Variants in HERC1 observed in about 807,000 individuals in gnomAD.
HERC1 encodes the protein probable E3 ubiquitin-protein ligase HERC1.
Under a neutral mutation model 554.3 loss-of-function variants are expected in HERC1, and 160 were observed. The observed-to-expected ratio is 0.29, with a 90% CI of 0.25 to 0.33. HERC1 has a LOEUF of 0.33. Among genes scored for constraint, HERC1 ranks in the 10% least tolerant of loss-of-function variants. The probability of loss-of-function intolerance (pLI) is 1.00; values close to 1 mark genes in which losing one functional copy is unlikely to be tolerated. For synonymous variants in HERC1, 2,175 were observed against 2,131.7 expected, an observed-to-expected ratio of 1.02 and a Z score of -0.56; for missense variants, 4,919 against 5,918.5, an observed-to-expected ratio of 0.83 and a Z score of 5.54.
At chr15:63,618,627 A>AATGG (rs2067930453) in intron 74 of HERC1, among the ~76,000 whole-genome samples, 1 of 152,078 alleles carries the variant, frequency 6.6e-6, no homozygotes, top group Non-Finnish European at 1.5e-5. Context: ...GATTCTTCCT[A>AATGG]CCCATGAGCA....
rs1186828715 is a variant in HERC1, at chr15:63,677,064, A to G, written c.7070+781T>C. 6.6e-6 allele frequency among the ~76,000 whole-genome samples: 1 copy of G among 152,160 alleles called. No homozygotes were observed. Among genetic ancestry groups the G allele is most frequent in the African/African-American group, 2.4e-5 (1 of 41,452 alleles). On this transcript the variant is annotated intron_variant, in intron 37 of 77. Transcript: ENST00000443617. The surrounding 1 kb of genome is among the most constrained non-coding windows in gnomAD (Gnocchi z 4.4). ...TTGTACTTAGCAGGTGAGCATCCCA[A>G]ATCCAAAAATCCCAAATCTGAAATG... is the stretch of plus-strand genomic sequence containing the variant.
At chr15:63,714,008 C>T (rs2153128739) in intron 22 of HERC1, among the ~76,000 whole-genome samples, 1 of 152,210 alleles carries the variant, frequency 6.6e-6, no homozygotes, top group South Asian at 2.1e-4. Context: ...GTTAGAAATG[C>T]AAATTATCAG....
At chr15:63,830,174 A>G (rs2146139358) in intron 1 of HERC1, among the ~76,000 whole-genome samples, 1 of 152,348 alleles carries the variant, frequency 6.6e-6, no homozygotes, top group South Asian at 2.1e-4. Context: ...GATATGTATG[A>G]ACAATAAAGG....
At chr15:63,631,742 T>C (rs1421107818) in intron 68 of HERC1, among the ~76,000 whole-genome samples, 2 of 152,198 alleles carry the variant, frequency 1.3e-5, no homozygotes, top group African/African-American at 2.4e-5. Context: ...CGTTTCGCCA[T>C]GTTGGCCAGG....
At chr15:63,690,145 C>A (rs142543106) in intron 32 of HERC1, among the ~76,000 whole-genome samples, 1 of 138,152 alleles carries the variant, frequency 7.2e-6, no homozygotes, top group African/African-American at 2.8e-5. Context: ...CCAGGCTGGG[C>A]GACAGAGCGA....
intron 24 of HERC1, among the ~76,000 whole-genome samples, chr15:63,709,293 A>T (rs993693885): frequency 6.6e-6 from 1 of 152,080 alleles, no homozygotes; most frequent in Admixed American, 6.6e-5. Flanking sequence ...TACAGGCATG[A>T]GCCACTGCGC....
intron 1 of HERC1, among the ~76,000 whole-genome samples, chr15:63,831,396 T>G (rs570050768): frequency 6.6e-6 from 1 of 152,330 alleles, no homozygotes; most frequent in South Asian, 2.1e-4. Flanking sequence ...CGTGAGCTAC[T>G]GTAATCTGGC....
In HERC1 at chr15:63,689,572, T is replaced by C. The variant is rs2071985735; in HGVS notation, c.6048+17A>G. On this transcript the variant is annotated intron_variant, in intron 33 of 77. Coordinates refer to ENST00000443617, the MANE Select transcript of HERC1 (RefSeq NM_003922.4). ...ACTTATGCTGTTAAGAAATACCTTT[T>C]AGGAAAAACCAATTACCTGTAGTTT... The C allele has an allele frequency of 6.5e-6, 9 of 1,394,488 alleles. No homozygotes were observed. The highest frequency in any genetic ancestry group is 8.9e-6 in the Non-Finnish European group (9 of 1,013,630). The allele number at this position is 1,394,488 out of a possible 1,614,324, so 86.4% of individuals were successfully genotyped here.
chr15:63,637,323 C>T (rs891203506), intron 64 of HERC1, among the ~76,000 whole-genome samples, 182 bp downstream of exon 64: 15 of 152,078 alleles, frequency 9.9e-5, no homozygotes, highest in African/African-American at 3.4e-4. Flanking sequence ...CTATAAGTAA[C>T]CTGCAATATA....
intron 30 of HERC1, 103 bp downstream of exon 30, chr15:63,693,861 T>C (rs2072260294): frequency 2.5e-6 from 3 of 1,188,440 alleles, no homozygotes; most frequent in Non-Finnish European, 3.5e-6. Flanking sequence ...AAAAATCCCA[T>C]CATACCTCAT....
chr15:63,739,189 A>AATATAT (rs1348216798), intron 12 of HERC1, among the ~76,000 whole-genome samples: 159 of 130,164 alleles, frequency 1.2e-3, no homozygotes, highest in African/African-American at 4.6e-3. Flanking sequence ...AACAACCACT[A>AATATAT]ATATACTTTT....
rs1047290475 is a variant in HERC1 at position 63,747,712 on chromosome 15, C to T, written c.2354+12G>A. Reference sequence around the variant, plus strand: ...CACACACACAAAGATACAAAACATACATATAACATACCTTGATGAAGGGAA... The same window carrying T: ...CACACACACAAAGATACAAAACATATATATAACATACCTTGATGAAGGGAA... On this transcript the variant is annotated intron_variant, in intron 11 of 77. Coordinates refer to ENST00000443617, the MANE Select transcript of HERC1 (RefSeq NM_003922.4). 1.3e-6 allele frequency: 2 copies of T among 1,498,086 alleles called. No homozygotes were observed. Among genetic ancestry groups the T allele is most frequent in the South Asian group, 1.2e-5 (1 of 82,748 alleles). 92.8% of individuals were successfully genotyped at this position (1,498,086 alleles called of 1,614,324 possible).
In HERC1 at chr15:63,734,446, A is replaced by G. The variant is rs1477255324; in HGVS notation, c.2646+278T>C. On this transcript the variant is annotated intron_variant, in intron 13 of 77. Coordinates refer to ENST00000443617, the MANE Select transcript of HERC1 (RefSeq NM_003922.4). The surrounding 1 kb of genome is among the most constrained non-coding windows in gnomAD (Gnocchi z 4.6). ...TAGCACATACACTTGATTTCAACTC[A>G]GCATACTACAAATAAACCACAGAGT... 6.6e-6 allele frequency among the ~76,000 whole-genome samples: 1 copy of G among 152,184 alleles called. No homozygotes were observed. Among genetic ancestry groups the G allele is most frequent in the Non-Finnish European group, 1.5e-5 (1 of 68,022 alleles).
Position 63,612,398 on chromosome 15 carries a change from A to G in HERC1, c.14253T>C (p.His4751=). Residue 4751 remains histidine (H), a synonymous_variant, in exon 77 of 78, where the codon CAT becomes CAC. Transcript: ENST00000443617. The surrounding 1 kb of genome is among the most constrained non-coding windows in gnomAD (Gnocchi z 5.0). ...TGTGCCAGAACCACTGCACCAGCTG[A>G]TGCTGCTCATCCACCTCACGGTACC... is the stretch of plus-strand genomic sequence containing the variant. The part of the protein sequence containing the change: ...VVRYREVDEQ[H]QLVQWFWHTL... 1.2e-6 allele frequency: 2 copies of G among 1,614,004 alleles called. No homozygotes were observed. The highest frequency in any genetic ancestry group is 1.7e-6 in the Non-Finnish European group (2 of 1,179,890).
At chr15:63,741,541 A>G (rs1396569922) in intron 12 of HERC1, among the ~76,000 whole-genome samples, 1 of 151,876 alleles carries the variant, frequency 6.6e-6, no homozygotes, top group Non-Finnish European at 1.5e-5. Context: ...ACTCGACTTC[A>G]GGTGATCCAC....
At chr15:63,620,635 C>T (rs1381535766) in intron 74 of HERC1, among the ~76,000 whole-genome samples, 1 of 151,994 alleles carries the variant, frequency 6.6e-6, no homozygotes, top group African/African-American at 2.4e-5. Context: ...GTCTAAGTCT[C>T]TTTGTAGGTC....
rs572624819 is a variant in HERC1 at position 63,712,528 on chromosome 15, C to T, written c.4584+247G>A. Among the ~76,000 whole-genome samples the T allele has an allele frequency of 5.3e-5, 8 of 152,194 alleles. No homozygotes were observed. In the East Asian group the frequency reaches 9.6e-4, roughly 18 times the overall value. ...TAAGATTGGGGTAACCCAACTCATT[C>T]GGGTGGAATGTCCATCAAAGAGTCA... On this transcript the variant is annotated intron_variant, in intron 24 of 77. Transcript: ENST00000443617.
chr15:63,759,471 TA>T (rs140952144), intron 3 of HERC1, among the ~76,000 whole-genome samples: 1,598 of 152,300 alleles, frequency 0.01, 21 homozygotes, highest in African/African-American at 0.037. Flanking sequence ...TCCATACTCA[TA>T]ATAAGTATCA....
chr15:63,691,428 T>G (rs774763799), intron 31 of HERC1, among the ~76,000 whole-genome samples: 16 of 152,004 alleles, frequency 1.1e-4, no homozygotes, highest in Non-Finnish European at 1.8e-4. Context: ...ATCACACCAC[T>G]GCACTCCAGC....
Sources: gnomAD v4.1 joint callset for allele counts (sites outside exome capture counted in the v4.1 genomes callset) on GRCh38, gnomAD v4.1.1 for gene constraint, Gnocchi (gnomAD v3.1) non-coding constraint, MANE v1.5 for transcripts, NCBI Gene and HGNC (gene_info 2026-07-23, HGNC 2026-07-21) for gene names.